The following PLA2G4C variants were observed in gnomAD, a reference collection of about 807,000 sequenced individuals.
The protein encoded by PLA2G4C is phospholipase A2 group IVC.
PLA2G4C carries 64 observed loss-of-function variants against 73.8 expected under a neutral mutation model. That is an observed-to-expected ratio of 0.87 (90% CI 0.71 to 1.07). PLA2G4C has a LOEUF of 1.07. Among genes scored for constraint, PLA2G4C ranks in the 50% least tolerant of loss-of-function variants. The pLI is 0.00. For synonymous variants in PLA2G4C, 254 were observed against 252.1 expected (o/e 1.01, Z -0.07); for missense variants, 622 against 665.4 (o/e 0.93, Z 0.72).
In PLA2G4C at chr19:48,060,107, G is replaced by A. The variant is rs112250682; in HGVS notation, c.1257+1891C>T. The stretch of plus-strand genomic sequence containing the variant: ...TTTGAGGCTTTCGGACTCGGACTGA[G>A]CCACTATTGGTTTGTTTCTTCCTCA... On this transcript the variant is annotated intron_variant, in intron 14 of 16. Transcript: ENST00000599921. 5.7e-4 allele frequency among the ~76,000 whole-genome samples: 86 copies of A among 152,118 alleles called. 2 individuals are homozygous for A. The highest frequency in any genetic ancestry group is 2.0e-3 in the African/African-American group (85 of 41,494).
rs748507106 is a variant in PLA2G4C, at chr19:48,106,642, C to A, written c.-32-81G>T. The A allele has an allele frequency of 4.6e-6, 5 of 1,094,534 alleles. No individual in the cohort carries two copies. The East Asian group carries it at 9.4e-5, about 21-fold the overall frequency. 67.8% of individuals were successfully genotyped at this position (1,094,534 alleles called of 1,614,324 possible). A position where few individuals can be genotyped will look rare whatever the true frequency, so the allele number is the denominator to read the frequency against. ...CAGTGGGGGAGGGCTGGGACTGTCACGGGCTCATGGGTTCTCCTTGTCCAC... is the reference window on the plus strand; with the variant it reads ...CAGTGGGGGAGGGCTGGGACTGTCAAGGGCTCATGGGTTCTCCTTGTCCAC... On this transcript the variant is annotated intron_variant, in intron 1 of 16. Transcript: ENST00000599921.
At chr19:48,089,719 A>T (rs1035925389) in intron 8 of PLA2G4C, among the ~76,000 whole-genome samples, 4 of 152,146 alleles carry the variant, frequency 2.6e-5, no homozygotes, top group Non-Finnish European at 2.9e-5. Flanking sequence ...AGCTTTCCAG[A>T]GTGAGCAGTG....
At chr19:48,051,409 G>T (rs1967720078) in intron 16 of PLA2G4C, among the ~76,000 whole-genome samples, 1 of 152,234 alleles carries the variant, frequency 6.6e-6, no homozygotes, top group South Asian at 2.1e-4. Context: ...TGTGGCTGGG[G>T]AGGCCTCAGG....
intron 7 of PLA2G4C, among the ~76,000 whole-genome samples, chr19:48,093,627 CCT>C (rs755247368): frequency 6.6e-6 from 1 of 152,172 alleles, no homozygotes; most frequent in Non-Finnish European, 1.5e-5. Flanking sequence ...CCTCTCTAGC[CCT>C]CTCTCTCAGC....
At chr19:48,097,798 G>T (rs747496445) in intron 6 of PLA2G4C, 2 of 220,278 alleles carry the variant, frequency 9.1e-6, no homozygotes, top group Non-Finnish European at 1.8e-5. Context: ...TAATGTTGTT[G>T]TTTTGAGATG....
intron 8 of PLA2G4C, among the ~76,000 whole-genome samples, chr19:48,089,257 T>C (rs1250813199): frequency 6.6e-6 from 1 of 152,054 alleles, no homozygotes; most frequent in African/African-American, 2.4e-5. Flanking sequence ...TGAAATCCTG[T>C]CTCTACCAAA....
At chr19:48,051,314 G>A (rs148646921) in intron 16 of PLA2G4C, among the ~76,000 whole-genome samples, 50 of 152,300 alleles carry the variant, frequency 3.3e-4, no homozygotes, top group Non-Finnish European at 5.9e-4. Flanking sequence ...AGAACTGTAT[G>A]AGTCCATTCT....
chr19:48,049,138 T>C (rs1046184643), intron 16 of PLA2G4C, among the ~76,000 whole-genome samples: 4 of 152,138 alleles, frequency 2.6e-5, no homozygotes, highest in Admixed American at 2.6e-4. Context: ...TACAGAACCA[T>C]GAGCCAAATA....
intron 9 of PLA2G4C, among the ~76,000 whole-genome samples, chr19:48,088,074 C>G (rs1251397331): frequency 6.6e-6 from 1 of 152,174 alleles, no homozygotes; most frequent in East Asian, 1.9e-4. Flanking sequence ...TATGCACTCC[C>G]CTACAGACCT....
chr19:48,099,527 C>A, intron 5 of PLA2G4C, 144 bp downstream of exon 5: 1 of 571,062 alleles, frequency 1.8e-6, no homozygotes, highest in Non-Finnish European at 3.1e-6. Flanking sequence ...AGTTTTGAGG[C>A]ATCAACCGAA....
chr19:48,077,697 G>C, intron 11 of PLA2G4C, 74 bp downstream of exon 11: 5 of 1,126,838 alleles, frequency 4.4e-6, no homozygotes, highest in Non-Finnish European at 6.4e-6. Flanking sequence ...AAAGTTTTTA[G>C]GACAATGGCT....
chr19:48,099,500 TAATCCTGA>T (rs2031783768), intron 5 of PLA2G4C, among the ~76,000 whole-genome samples, 163 bp downstream of exon 5: 1 of 152,192 alleles, frequency 6.6e-6, no homozygotes, highest in Non-Finnish European at 1.5e-5. Context: ...GCAACCACAG[TAATCCTGA>T]TATACTTTAG....
chr19:48,063,008 G>A (rs1397828542), intron 13 of PLA2G4C, among the ~76,000 whole-genome samples: 1 of 152,126 alleles, frequency 6.6e-6, no homozygotes, highest in Non-Finnish European at 1.5e-5. Flanking sequence ...AAAGCAGGGA[G>A]GGGGCTTCCA....
Position 48,062,001 on chromosome 19 carries a change from G to A in PLA2G4C, c.1254C>T (p.Phe418=), listed in dbSNP as rs750061156. The change falls in exon 14 of 17, where the codon TTC becomes TTT. Residue 418 remains phenylalanine, a synonymous_variant. Coordinates refer to ENST00000599921, the MANE Select transcript of PLA2G4C (RefSeq NM_003706.3). ...LSFDFSAGDP[F]ETIRATTDYC... ...CCCCAAAGCCCTTCTCGATTACCTCGAAAGGATCTCCGGCACTGAAGTCGA... is the reference window on the plus strand; with the variant it reads ...CCCCAAAGCCCTTCTCGATTACCTCAAAAGGATCTCCGGCACTGAAGTCGA... 1.2e-5 allele frequency: 20 copies of A among 1,613,624 alleles called. No individual in the cohort carries two copies. The highest frequency in any genetic ancestry group is 4.4e-5 in the South Asian group (4 of 91,066).
chr19:48,092,905 A>G (rs189782020), intron 7 of PLA2G4C, among the ~76,000 whole-genome samples: 1 of 152,352 alleles, frequency 6.6e-6, no homozygotes, highest in East Asian at 1.9e-4. Flanking sequence ...AAATGGTTAA[A>G]ATGGCAAATT....
In PLA2G4C at chr19:48,088,776, A is replaced by T. The variant is rs999117018; in HGVS notation, c.764-64T>A. ...CAACAAAGTCCCTAGTTATAATATA[A>T]AAAATACAGATGACCTGCAGGGATA... On this transcript the variant is annotated intron_variant, in intron 8 of 16. Coordinates refer to ENST00000599921, the MANE Select transcript of PLA2G4C (RefSeq NM_003706.3). The T allele has an allele frequency of 4.3e-6, 5 of 1,158,602 alleles. No homozygotes were observed. The African/African-American group carries it at 6.1e-5, about 14-fold the overall frequency. The allele number at this position is 1,158,602 out of a possible 1,614,324, so 71.8% of individuals were successfully genotyped here. A position where few individuals can be genotyped will look rare whatever the true frequency, so the allele number is the denominator to read the frequency against.
chr19:48,070,644 C>G lies in PLA2G4C; in HGVS notation c.1007-2758G>C, dbSNP rs949635953. Among the ~76,000 whole-genome samples, 19 of 152,068 alleles carry G rather than the reference C, an allele frequency of 1.2e-4. No individual in the cohort carries two copies. In the South Asian group the frequency reaches 1.7e-3, roughly 13 times the overall value. The stretch of plus-strand genomic sequence containing the variant: ...TATCCTCAGCAAACTAATGCAGGAA[C>G]AGAAAACCAAACACCACATGTTCTC... On this transcript the variant is annotated intron_variant, in intron 12 of 16. Transcript: ENST00000599921.
rs866732638 is a variant in PLA2G4C, at chr19:48,100,583, C to T, written c.258-723G>A. On this transcript the variant is annotated intron_variant, in intron 4 of 16. Transcript: ENST00000599921. ...TTGTGCCACTGCACTCCAGCCTGGG[C>T]GACAGAGCGTGACTCCATCTAAAAA... Among the ~76,000 whole-genome samples, 19 of 119,392 alleles carry T rather than the reference C, an allele frequency of 1.6e-4. 1 individual carries two copies. Among genetic ancestry groups the T allele is most frequent in the South Asian group, 5.5e-4 (2 of 3,654 alleles). 78.3% of individuals were successfully genotyped at this position (119,392 alleles called of 152,430 possible).
chr19:48,106,487 G>C, intron 2 of PLA2G4C, 35 bp downstream of exon 2: 1 of 1,530,602 alleles, frequency 6.5e-7, no homozygotes, highest in Non-Finnish European at 9.1e-7. Flanking sequence ...CAAATGCTCT[G>C]CTTCCCCATA....
Sources: gnomAD v4.1 joint callset for allele counts (sites outside exome capture counted in the v4.1 genomes callset) on GRCh38, gnomAD v4.1.1 for gene constraint, MANE v1.5 for transcripts, NCBI Gene and HGNC (gene_info 2026-07-23, HGNC 2026-07-21) for gene names.